CCZ1: variants seen among roughly 807,000 people sequenced by gnomAD.
CCZ1 encodes CCZ1 vacuolar protein trafficking and biogenesis associated.
Under a neutral mutation model 57.8 loss-of-function variants are expected in CCZ1, and 19 were observed. The observed-to-expected ratio is 0.33, with a 90% CI of 0.23 to 0.48. CCZ1 has a LOEUF of 0.48. Among genes scored for constraint, CCZ1 ranks in the 20% least tolerant of loss-of-function variants. CCZ1 has a pLI of 0.99. For synonymous variants in CCZ1, 81 were observed against 167.0 expected, an observed-to-expected ratio of 0.49 and a Z score of 3.97; for missense variants, 200 against 492.0, an observed-to-expected ratio of 0.41 and a Z score of 5.61.
At chr7:5,922,923 G>C (rs1779272666) in intron 12 of CCZ1, among the ~76,000 whole-genome samples, 1 of 150,550 alleles carries the variant, frequency 6.6e-6, no homozygotes, top group Non-Finnish European at 1.5e-5. Context: ...GCTGTATGTA[G>C]ATACGTGTTA....
intron 6 of CCZ1, 28 bp downstream of exon 6, chr7:5,902,772 T>A: frequency 1.9e-6 from 3 of 1,586,712 alleles, no homozygotes; most frequent in Non-Finnish European, 2.6e-6. Flanking sequence ...CATTTATAAC[T>A]TTAGTAAGCA....
At chr7:5,901,468 G>A in intron 4 of CCZ1, 189 bp from the exon 5 acceptor site, 3 of 958,422 alleles carry the variant, frequency 3.1e-6, no homozygotes, top group Non-Finnish European at 4.1e-6. Flanking sequence ...CTGGACAACA[G>A]AGCGAGACTC....
chr7:5,900,027 GTTC>G (rs142614874), intron 1 of CCZ1, among the ~76,000 whole-genome samples: 23,566 of 148,840 alleles, frequency 0.16, 1,776 homozygotes, highest in Admixed American at 0.29. Context: ...GATCATTCCT[GTTC>G]TTCTTCTTAT....
At chr7:5,907,608 G>T (rs892185890) in intron 7 of CCZ1, among the ~76,000 whole-genome samples, 1 of 146,174 alleles carries the variant, frequency 6.8e-6, no homozygotes, top group African/African-American at 2.6e-5. Flanking sequence ...GTGACCAGCA[G>T]GGTTGGCCCT....
chr7:5,911,737 A>G (rs1779045130), intron 8 of CCZ1, 124 bp from the exon 9 acceptor site: 1 of 1,242,038 alleles, frequency 8.1e-7, no homozygotes, highest in Non-Finnish European at 1.1e-6. Context: ...ACAGAACAAG[A>G]TCCTGTCTCT....
intron 10 of CCZ1, among the ~76,000 whole-genome samples, chr7:5,915,144 G>A (rs1291463084): frequency 1.5e-4 from 22 of 147,974 alleles, no homozygotes; most frequent in African/African-American, 4.7e-4. Flanking sequence ...GGTTCAAGCC[G>A]CCAAGATAAA....
At chr7:5,907,594 C>T (rs1479096338) in intron 7 of CCZ1, among the ~76,000 whole-genome samples, 1 of 146,178 alleles carries the variant, frequency 6.8e-6, no homozygotes, top group African/African-American at 2.6e-5. Flanking sequence ...ACCCTGGAGC[C>T]AGAGTGACCA....
At chr7:5,916,498 GTTTTTT>G (rs1562544344) in intron 10 of CCZ1, among the ~76,000 whole-genome samples, 8 of 110,964 alleles carry the variant, frequency 7.2e-5, no homozygotes, top group East Asian at 3.1e-4. Flanking sequence ...TTTTTGTTTT[GTTTTTT>G]GTTTTTTTTT....
chr7:5,909,059 T>C (rs201549560), intron 7 of CCZ1, among the ~76,000 whole-genome samples: 29,673 of 143,420 alleles, frequency 0.21, 2,668 homozygotes, highest in Admixed American at 0.32. Flanking sequence ...GGAGGTTTCC[T>C]GCATAATCCT....
chr7:5,910,986 A>G (rs1342702028), intron 8 of CCZ1, among the ~76,000 whole-genome samples: 1 of 147,138 alleles, frequency 6.8e-6, no homozygotes, highest in Non-Finnish European at 1.5e-5. Flanking sequence ...TTGACCCGCC[A>G]CAGCCTTCCA....
chr7:5,907,822 C>T, intron 7 of CCZ1, among the ~76,000 whole-genome samples: 1 of 47,962 alleles, frequency 2.1e-5, no homozygotes, highest in Non-Finnish European at 4.1e-5. Flanking sequence ...GCAAAACAGG[C>T]GCCAATGCTT....
chr7:5,905,554 C>T (rs1451182446), intron 7 of CCZ1, among the ~76,000 whole-genome samples: 1 of 145,584 alleles, frequency 6.9e-6, no homozygotes, highest in Non-Finnish European at 1.5e-5. Context: ...GAGGCTGAGG[C>T]GGGTGAATCA....
chr7:5,909,900 T>C (rs117167852), intron 7 of CCZ1, 135 bp from the exon 8 acceptor site: 23,768 of 672,546 alleles, frequency 0.035, 251 homozygotes, highest in Middle Eastern at 0.06. Flanking sequence ...CTTTAGACTT[T>C]AAAAAGTTAG....
chr7:5,903,993 C>CGG (rs765742907), intron 6 of CCZ1, among the ~76,000 whole-genome samples: 1 of 135,146 alleles, frequency 7.4e-6, no homozygotes, highest in Non-Finnish European at 1.5e-5. Flanking sequence ...GACTCCATCT[C>CGG]GGGGGGGGAA....
chr7:5,902,916 G>A (rs1366489198), intron 6 of CCZ1, among the ~76,000 whole-genome samples, 172 bp downstream of exon 6: 2 of 148,890 alleles, frequency 1.3e-5, no homozygotes, highest in African/African-American at 5.0e-5. Context: ...CATGAGGCTT[G>A]TGCTCTGGAA....
intron 10 of CCZ1, 68 bp downstream of exon 10, chr7:5,913,022 A>G: frequency 6.4e-7 from 1 of 1,570,814 alleles, no homozygotes; most frequent in Non-Finnish European, 8.6e-7. Context: ...TGTGTACACG[A>G]GTGCATGTGC....
At chr7:5,923,186 G>A (rs372366511) in intron 12 of CCZ1, among the ~76,000 whole-genome samples, 91 of 87,982 alleles carry the variant, frequency 1.0e-3, no homozygotes, top group African/African-American at 1.4e-3. Flanking sequence ...GCGTGGTGGC[G>A]GGCGCCTGTA....
rs1414823516 is a variant in CCZ1 at position 5,906,310 on chromosome 7, A to G, written c.698+1041A>G. Among the ~76,000 whole-genome samples, 21 of 129,920 alleles carry G rather than the reference A, an allele frequency of 1.6e-4. 1 individual carries two copies. Among genetic ancestry groups the G allele is most frequent in the African/African-American group, 5.4e-4 (18 of 33,158 alleles). 85.2% of individuals were successfully genotyped at this position (129,920 alleles called of 152,430 possible). A position where few individuals can be genotyped will look rare whatever the true frequency, so the allele number is the denominator to read the frequency against. ...TTTATGTTCCCGTTGACTAGAGCCC[A>G]CTTTCTTTCTTTCTTTTTTTTTTTT... is the stretch of plus-strand genomic sequence containing the variant. On this transcript the variant is annotated intron_variant, in intron 7 of 14. Coordinates refer to ENST00000325974, the MANE Select transcript of CCZ1 (RefSeq NM_015622.6).
In CCZ1 at chr7:5,900,871, TA is replaced by T. The variant is rs1246596385; in HGVS notation, c.331del (p.Ile111LeufsTer43). Reference protein sequence around the residue: ...FWMVMVVRNPIIEKQSKDGKP... With the variant: ...FWMVMVVRNPXIEKQSKDGKP... ...ACTTTGTAGGTTGTTCGGAATCCTA[TA>T]ATTGAAAAACAGAGTAAAGATGGAA... On this transcript the variant is annotated frameshift_variant, in exon 4 of 15. Transcript: ENST00000325974. LOFTEE classifies it high-confidence loss of function. 1 of 1,432,220 alleles carries T rather than the reference TA, an allele frequency of 7.0e-7. No homozygotes were observed. The highest frequency in any genetic ancestry group is 2.4e-5 in the East Asian group (1 of 41,864). The allele number at this position is 1,432,220 out of a possible 1,614,324, so 88.7% of individuals were successfully genotyped here. A position where few individuals can be genotyped will look rare whatever the true frequency, so the allele number is the denominator to read the frequency against.
Sources: allele counts gnomAD v4.1 joint callset (sites outside exome capture counted in the v4.1 genomes callset), GRCh38; gene constraint gnomAD v4.1.1; transcripts MANE v1.5; gene names NCBI Gene and HGNC (gene_info 2026-07-23, HGNC 2026-07-21).